Variants in RBMS1 observed in about 807,000 individuals in gnomAD.
RBMS1 encodes the protein RNA-binding motif, single-stranded-interacting protein 1.
Under a neutral mutation model 62.3 loss-of-function variants are expected in RBMS1, and 17 were observed. That is an observed-to-expected ratio of 0.27 (90% CI 0.19 to 0.41). The LOEUF is 0.41. Ranked by LOEUF, RBMS1 falls within the 10% of genes least tolerant of loss-of-function variation. The pLI is 1.00. For missense variants in RBMS1, 334 were observed against 504.5 expected (o/e 0.66, Z 3.24); for synonymous variants, 172 against 170.0 (o/e 1.01, Z -0.09).
At chr2:160,364,130 C>G (rs1188388793) in intron 2 of RBMS1, among the ~76,000 whole-genome samples, 1 of 152,138 alleles carries the variant, frequency 6.6e-6, no homozygotes, top group South Asian at 2.1e-4. Context: ...CACGGTCAAG[C>G]AGAGTGTTTG....
At chr2:160,452,546 T>A (rs1263200607) in intron 1 of RBMS1, among the ~76,000 whole-genome samples, 3 of 152,248 alleles carry the variant, frequency 2.0e-5, no homozygotes, top group African/African-American at 7.2e-5. Flanking sequence ...TGTTTATTTT[T>A]AAAAATATTT....
At chr2:160,294,531 C>T (rs536280019) in intron 6 of RBMS1, among the ~76,000 whole-genome samples, 7 of 152,158 alleles carry the variant, frequency 4.6e-5, no homozygotes, top group Non-Finnish European at 8.8e-5. Context: ...CCTGCTTAGT[C>T]ATCTAGAGAC....
At chr2:160,283,949 A>T (rs986347698) in intron 9 of RBMS1, 2 of 152,230 alleles carry the variant, frequency 1.3e-5, no homozygotes, top group Admixed American at 1.3e-4. Context: ...GGACTACAAC[A>T]TCTAATTCAA....
At chr2:160,475,363 C>T (rs1197324984) in intron 1 of RBMS1, among the ~76,000 whole-genome samples, 1 of 152,172 alleles carries the variant, frequency 6.6e-6, no homozygotes, top group East Asian at 1.9e-4. Context: ...CAATTGGAGG[C>T]ACTGGCAGAT....
At chr2:160,312,844 A>T (rs931910344) in intron 4 of RBMS1, among the ~76,000 whole-genome samples, 1 of 151,688 alleles carries the variant, frequency 6.6e-6, no homozygotes, top group African/African-American at 2.4e-5. Context: ...AACAGTACAG[A>T]TCTTAAAGAC....
chr2:160,324,901 T>TACAC (rs1241964451), intron 2 of RBMS1, among the ~76,000 whole-genome samples: 3 of 118,784 alleles, frequency 2.5e-5, no homozygotes, highest in African/African-American at 3.5e-5. Context: ...TATATATATA[T>TACAC]ATATATACAC....
In RBMS1 at chr2:160,274,354, A is replaced by C. The variant is rs1293850600; in HGVS notation, c.*418T>G. ...CCATTTCATACAGCTGGAAAAAAAA[A>C]ACACAAATTAAACACAAAATGAACA... On this transcript the variant is annotated 3_prime_UTR_variant, in exon 14 of 14. Coordinates refer to ENST00000348849, the MANE Select transcript of RBMS1 (RefSeq NM_016836.4). 3 of 152,326 alleles carry C rather than the reference A, an allele frequency of 2.0e-5. No homozygotes were observed. The highest frequency in any genetic ancestry group is 7.2e-5 in the African/African-American group (3 of 41,396). The allele number at this position is 152,326 out of a possible 1,614,324, so 9.4% of individuals were successfully genotyped here. A position where few individuals can be genotyped will look rare whatever the true frequency, so the allele number is the denominator to read the frequency against.
chr2:160,311,429 C>T (rs556234323), intron 4 of RBMS1, among the ~76,000 whole-genome samples: 36 of 151,862 alleles, frequency 2.4e-4, no homozygotes, highest in African/African-American at 6.5e-4. Context: ...CATCTCTACC[C>T]TATAGCTTCA....
intron 1 of RBMS1, among the ~76,000 whole-genome samples, chr2:160,441,447 G>A (rs985489046): frequency 6.6e-6 from 1 of 152,200 alleles, no homozygotes; most frequent in Non-Finnish European, 1.5e-5. Context: ...TAAGAGGCCG[G>A]GCACAGTGAC....
intron 1 of RBMS1, among the ~76,000 whole-genome samples, chr2:160,484,902 G>A (rs962489139): frequency 2.6e-5 from 4 of 151,638 alleles, no homozygotes; most frequent in African/African-American, 4.8e-5. Context: ...AAGCATCAAC[G>A]AACCAGGAAA....
intron 1 of RBMS1, among the ~76,000 whole-genome samples, chr2:160,478,225 T>G (rs1006968873): frequency 1.3e-5 from 2 of 152,230 alleles, no homozygotes; most frequent in Admixed American, 6.5e-5. Flanking sequence ...CCTTTCCTTC[T>G]GTGTATCCCA....
chr2:160,350,793 G>A (rs1692449251), intron 2 of RBMS1, among the ~76,000 whole-genome samples: 1 of 152,116 alleles, frequency 6.6e-6, no homozygotes, highest in East Asian at 1.9e-4. Context: ...TTGCTATTGT[G>A]AATAGTGCTG....
At chr2:160,337,334 A>T (rs1420958811) in intron 2 of RBMS1, among the ~76,000 whole-genome samples, 1 of 151,888 alleles carries the variant, frequency 6.6e-6, no homozygotes, top group Non-Finnish European at 1.5e-5. Context: ...GGGTTTCACC[A>T]TGTTGGCCAG....
At chr2:160,280,697 T>G (rs1332497666) in intron 10 of RBMS1, among the ~76,000 whole-genome samples, 2 of 152,208 alleles carry the variant, frequency 1.3e-5, no homozygotes, top group African/African-American at 4.8e-5. Flanking sequence ...TTAGCCTTAT[T>G]GTAACTTTGT....
At chr2:160,301,946 T>C (rs1253500413) in intron 5 of RBMS1, among the ~76,000 whole-genome samples, 3 of 152,220 alleles carry the variant, frequency 2.0e-5, no homozygotes, top group Admixed American at 2.0e-4. Context: ...TCAAAGTCAT[T>C]ACTTTAAAAT....
intron 1 of RBMS1, among the ~76,000 whole-genome samples, chr2:160,413,211 A>G (rs1199908029): frequency 6.6e-6 from 1 of 152,188 alleles, no homozygotes; most frequent in African/African-American, 2.4e-5. Context: ...TCAGACTGCA[A>G]CCTTTAATGC....
chr2:160,439,880 C>T (rs1487756451), intron 1 of RBMS1, among the ~76,000 whole-genome samples: 1 of 152,108 alleles, frequency 6.6e-6, no homozygotes, highest in African/African-American at 2.4e-5. Flanking sequence ...CAGCGAAACC[C>T]CGTCTCCACC....
At chr2:160,301,493 G>C (rs919940592) in intron 5 of RBMS1, among the ~76,000 whole-genome samples, 1 of 152,178 alleles carries the variant, frequency 6.6e-6, no homozygotes, top group African/African-American at 2.4e-5. Flanking sequence ...AACAGTGATA[G>C]TTTCAAAAAA....
chr2:160,340,897 C>T (rs1412199893), intron 2 of RBMS1, among the ~76,000 whole-genome samples: 1 of 152,068 alleles, frequency 6.6e-6, no homozygotes, highest in Middle Eastern at 3.2e-3. Context: ...AACTTAAATA[C>T]CCAACTTTTA....
Sources: gnomAD v4.1 joint callset for allele counts (sites outside exome capture counted in the v4.1 genomes callset) on GRCh38, gnomAD v4.1.1 for gene constraint, MANE v1.5 for transcripts, NCBI Gene and HGNC (gene_info 2026-07-23, HGNC 2026-07-21) for gene names.